Variants in KSR2 observed in about 807,000 individuals in gnomAD.
KSR2 encodes the protein kinase suppressor of ras 2.
KSR2 carries 25 observed loss-of-function variants against 107.8 expected under a neutral mutation model. The observed-to-expected ratio is 0.23, with a 90% CI of 0.17 to 0.32. The LOEUF (loss-of-function observed/expected upper bound fraction) is 0.32. KSR2 is among the 10% of genes least tolerant of loss of function. The pLI, the probability that KSR2 is intolerant of heterozygous loss-of-function variation, is 1.00. For missense variants in KSR2, 887 were observed against 1,268.9 expected (o/e 0.70, Z 4.57); for synonymous variants, 480 against 507.0 (o/e 0.95, Z 0.71).
chr12:117,628,423 C>A (rs1170968261), intron 5 of KSR2, among the ~76,000 whole-genome samples: 1 of 152,142 alleles, frequency 6.6e-6, no homozygotes, highest in Non-Finnish European at 1.5e-5. Context: ...CTATTCCTTT[C>A]TGTTTTTTAG....
At chr12:117,594,424 C>A (rs1485681817) in intron 5 of KSR2, among the ~76,000 whole-genome samples, 1 of 152,210 alleles carries the variant, frequency 6.6e-6, no homozygotes, top group Non-Finnish European at 1.5e-5. Flanking sequence ...CTGTAGCTTG[C>A]AGACATGGTG....
Position 117,453,427 on chromosome 12 carries a change from T to C in KSR2, c.*13772A>G, listed in dbSNP as rs1333513771. 2 of 152,516 alleles carry C rather than the reference T, an allele frequency of 1.3e-5. No homozygotes were observed. Among genetic ancestry groups the C allele is most frequent in the Admixed American group, 1.3e-4 (2 of 15,268 alleles). 9.4% of individuals were successfully genotyped at this position (152,516 alleles called of 1,614,324 possible). A position where few individuals can be genotyped will look rare whatever the true frequency, so the allele number is the denominator to read the frequency against. ...GAAAACATGAAACCACCTTCTTACA[T>C]CAACTCACTCTGCAACAGTCGACAC... On this transcript the variant is annotated 3_prime_UTR_variant, in exon 20 of 20. Coordinates refer to ENST00000339824, the MANE Select transcript of KSR2 (RefSeq NM_173598.6).
intron 2 of KSR2, among the ~76,000 whole-genome samples, chr12:117,859,944 C>A (rs1893232334): frequency 6.6e-6 from 1 of 152,208 alleles, no homozygotes; most frequent in Non-Finnish European, 1.5e-5. Flanking sequence ...ATGTCCTAAC[C>A]ACAAGTGGCT....
intron 10 of KSR2, among the ~76,000 whole-genome samples, chr12:117,532,517 T>A (rs946923832): frequency 6.6e-6 from 1 of 152,212 alleles, no homozygotes; most frequent in African/African-American, 2.4e-5. Context: ...GTTCCTACTG[T>A]CCTGTAAAGC....
chr12:117,790,370 A>G (rs901930994), intron 3 of KSR2, among the ~76,000 whole-genome samples: 7 of 152,170 alleles, frequency 4.6e-5, no homozygotes, highest in African/African-American at 1.7e-4. Context: ...TGACAGACAA[A>G]AGGTTGCATT....
Position 117,579,167 on chromosome 12 carries a change from G to A in KSR2, c.1277C>T (p.Thr426Ile). 1 of 1,613,714 alleles carries A rather than the reference G, an allele frequency of 6.2e-7. No individual in the cohort carries two copies. The highest frequency in any genetic ancestry group is 8.5e-7 in the Non-Finnish European group (1 of 1,179,768). ...AAAAAGCATCCCTTTCCCACAGACTGTGCACGTCTGAGACATCCAGTACTT... is the reference window on the plus strand; with the variant it reads ...AAAAAGCATCCCTTTCCCACAGACTATGCACGTCTGAGACATCCAGTACTT... ...STKYWMSQTC[T>I]VCGKGMLFGL... The change falls in exon 7 of 20, where the codon ACA becomes ATA. Residue 426 changes from threonine to isoleucine, a missense_variant. Transcript: ENST00000339824.
At chr12:117,503,199 A>T (rs1220078450) in intron 14 of KSR2, among the ~76,000 whole-genome samples, 2 of 152,160 alleles carry the variant, frequency 1.3e-5, no homozygotes, top group Non-Finnish European at 2.9e-5. Flanking sequence ...TTCTTTACCT[A>T]TGAGCTTTTG....
intron 7 of KSR2, among the ~76,000 whole-genome samples, chr12:117,575,487 T>C (rs1005065974): frequency 5.3e-5 from 8 of 152,204 alleles, no homozygotes; most frequent in East Asian, 1.9e-4. Flanking sequence ...CCAACTCTTC[T>C]ATCAGCTCAT....
chr12:117,890,797 T>A (rs1894319254), intron 1 of KSR2: 1 of 152,184 alleles, frequency 6.6e-6, no homozygotes, highest in Non-Finnish European at 1.5e-5. Context: ...TTGGATGGTG[T>A]AATGGAAATA....
intron 4 of KSR2, among the ~76,000 whole-genome samples, chr12:117,691,837 G>C (rs1361995169): frequency 6.6e-6 from 1 of 152,228 alleles, no homozygotes; most frequent in African/African-American, 2.4e-5. Context: ...TCCCCACACT[G>C]GGTACTGGGA....
chr12:117,783,203 C>T (rs1417856789), intron 3 of KSR2, among the ~76,000 whole-genome samples: 2 of 152,158 alleles, frequency 1.3e-5, no homozygotes, highest in Non-Finnish European at 2.9e-5. Context: ...TACAACGGCA[C>T]TACAAGGTAG....
At chr12:117,718,980 G>A (rs1392594457) in intron 4 of KSR2, among the ~76,000 whole-genome samples, 1 of 152,088 alleles carries the variant, frequency 6.6e-6, no homozygotes, top group Non-Finnish European at 1.5e-5. Flanking sequence ...GGACCCAGAG[G>A]GTTTTCTGTT....
intron 5 of KSR2, among the ~76,000 whole-genome samples, chr12:117,660,804 C>T (rs1884402346): frequency 6.6e-6 from 1 of 152,312 alleles, no homozygotes; most frequent in Middle Eastern, 3.4e-3. Flanking sequence ...CACGTGCAGT[C>T]CCTTAAGGCC....
chr12:117,606,800 C>A (rs915455215), intron 5 of KSR2, among the ~76,000 whole-genome samples: 1 of 151,550 alleles, frequency 6.6e-6, no homozygotes, highest in African/African-American at 2.4e-5. Flanking sequence ...TTCCTCCCTC[C>A]CTTCCTTTCT....
At chr12:117,878,191 C>T (rs1240055207) in intron 1 of KSR2, among the ~76,000 whole-genome samples, 1 of 146,948 alleles carries the variant, frequency 6.8e-6, no homozygotes, top group African/African-American at 2.6e-5. Context: ...CTGCACTAAT[C>T]ACTCCCGGCC....
intron 3 of KSR2, among the ~76,000 whole-genome samples, chr12:117,809,960 G>T (rs1245388374): frequency 2.6e-5 from 4 of 152,158 alleles, no homozygotes; most frequent in Non-Finnish European, 5.9e-5. Context: ...CTGAAGAGAG[G>T]GTAAAGATGA....
chr12:117,500,913 C>T (rs1272775355), intron 14 of KSR2, among the ~76,000 whole-genome samples: 1 of 152,238 alleles, frequency 6.6e-6, no homozygotes, highest in Non-Finnish European at 1.5e-5. Context: ...AGAACATGCC[C>T]AACTAGCCCA....
chr12:117,731,305 C>CCA (rs1220834234), intron 4 of KSR2, among the ~76,000 whole-genome samples: 1 of 148,228 alleles, frequency 6.7e-6, no homozygotes, highest in East Asian at 2.0e-4. Flanking sequence ...GGAGCGTCTC[C>CCA]GCCCAGCAGC....
At chr12:117,616,160 C>CTAA (rs386766773) in intron 5 of KSR2, among the ~76,000 whole-genome samples, 1 of 51,156 alleles carries the variant, frequency 2.0e-5, no homozygotes, top group Non-Finnish European at 3.9e-5. Context: ...GACCCTGTCT[C>CTAA]GAAAAAAAAA....
Sources: gnomAD v4.1 joint callset for allele counts (sites outside exome capture counted in the v4.1 genomes callset) on GRCh38, gnomAD v4.1.1 for gene constraint, MANE v1.5 for transcripts, NCBI Gene and HGNC (gene_info 2026-07-23, HGNC 2026-07-21) for gene names.